The following GKAP1 variants were observed in gnomAD, a reference collection of about 807,000 sequenced individuals.
GKAP1 encodes G kinase anchoring protein 1.
GKAP1 carries 31 observed loss-of-function variants against 56.7 expected under a neutral mutation model. That is an observed-to-expected ratio of 0.55 (90% CI 0.41 to 0.74). GKAP1 has a LOEUF of 0.74. Ranked by LOEUF, GKAP1 falls within the 30% of genes least tolerant of loss-of-function variation. The pLI is 0.00. For missense variants in GKAP1, 364 were observed against 402.3 expected (o/e 0.90, Z 0.82); for synonymous variants, 151 against 138.6 (o/e 1.09, Z -0.63).
In GKAP1 at chr9:83,739,765, A is replaced by T. The variant is rs757069336; in HGVS notation, c.1054-21T>A. Reference sequence around the variant, plus strand: ...CCACCCTGTAAAAAAAAAAAAAAATAGGGAAAATTATTTACAACATACCAT... The same window carrying T: ...CCACCCTGTAAAAAAAAAAAAAAATTGGGAAAATTATTTACAACATACCAT... On this transcript the variant is annotated intron_variant, in intron 12 of 12. Transcript: ENST00000376371. The T allele has an allele frequency of 2.6e-6, 4 of 1,543,622 alleles. No individual in the cohort carries two copies. The African/African-American group carries it at 5.5e-5, about 21-fold the overall frequency.
chr9:83,748,465 T>C (rs1943330986), intron 9 of GKAP1, 93 bp from the exon 10 acceptor site: 3 of 682,492 alleles, frequency 4.4e-6, no homozygotes, highest in Non-Finnish European at 7.4e-6. Flanking sequence ...AATTCTTGGC[T>C]TGCTCAAAGA....
At chr9:83,752,066 G>A (rs1943399281) in intron 9 of GKAP1, among the ~76,000 whole-genome samples, 1 of 152,156 alleles carries the variant, frequency 6.6e-6, no homozygotes, top group African/African-American at 2.4e-5. Context: ...GCTACAATAT[G>A]TGATGAAATT....
intron 8 of GKAP1, among the ~76,000 whole-genome samples, chr9:83,756,070 G>C (rs1301094363): frequency 3.9e-5 from 6 of 151,932 alleles, no homozygotes; most frequent in African/African-American, 1.5e-4. Context: ...CTCCCAAAGT[G>C]CTGGGATTAC....
In GKAP1 at chr9:83,742,097, A is replaced by G. The variant is rs1196173960; in HGVS notation, c.976-68T>C. ...TTGGCAAATACTCAATTCTTAACAT[A>G]TTCACAATGATAGGTTTTTGACAGC... is the stretch of plus-strand genomic sequence containing the variant. On this transcript the variant is annotated intron_variant, in intron 11 of 12. Transcript: ENST00000376371. 1.5e-5 allele frequency: 13 copies of G among 890,224 alleles called. No homozygotes were observed. In the East Asian group the frequency reaches 3.3e-4, roughly 22 times the overall value. 55.1% of individuals were successfully genotyped at this position (890,224 alleles called of 1,614,324 possible).
At chr9:83,815,969 C>T (rs775129072) in intron 2 of GKAP1, among the ~76,000 whole-genome samples, 55 of 146,238 alleles carry the variant, frequency 3.8e-4, no homozygotes, top group Non-Finnish European at 7.1e-4. Flanking sequence ...GGGCAGATCA[C>T]GAGGTCAGGA....
In GKAP1 at chr9:83,748,386, A is replaced by G. The variant is rs1943329360; in HGVS notation, c.841-14T>C. ...CTTATACTTTGCCTAATAGTCAAAG[A>G]AAAAAGATTTAGTTTTTTTAAAAGT... On this transcript the variant is annotated splice_polypyrimidine_tract_variant and intron_variant, in intron 9 of 12. Coordinates refer to ENST00000376371, the MANE Select transcript of GKAP1 (RefSeq NM_025211.4). The G allele has an allele frequency of 6.9e-7, 1 of 1,456,782 alleles. No individual in the cohort carries two copies. The highest frequency in any genetic ancestry group is 2.3e-5 in the East Asian group (1 of 42,700). The allele number at this position is 1,456,782 out of a possible 1,614,324, so 90.2% of individuals were successfully genotyped here. A position where few individuals can be genotyped will look rare whatever the true frequency, so the allele number is the denominator to read the frequency against.
chr9:83,792,008 A>G (rs1405617652), intron 4 of GKAP1, among the ~76,000 whole-genome samples: 1 of 152,244 alleles, frequency 6.6e-6, no homozygotes, highest in Non-Finnish European at 1.5e-5. Flanking sequence ...TTTAAACATT[A>G]CAAGAGAAAG....
At chr9:83,753,014 C>T (rs1237051914) in intron 9 of GKAP1, among the ~76,000 whole-genome samples, 1 of 151,714 alleles carries the variant, frequency 6.6e-6, no homozygotes, top group East Asian at 1.9e-4. Context: ...GAGCTGAGAT[C>T]ACTCCATTGC....
At chr9:83,777,393 A>C (rs1432189131) in intron 7 of GKAP1, among the ~76,000 whole-genome samples, 2 of 152,324 alleles carry the variant, frequency 1.3e-5, no homozygotes, top group Middle Eastern at 3.4e-3. Flanking sequence ...AAAAAACAAA[A>C]CAACTTCAGT....
intron 8 of GKAP1, among the ~76,000 whole-genome samples, chr9:83,759,005 T>C (rs1167458237): frequency 6.6e-6 from 1 of 152,116 alleles, no homozygotes; most frequent in Non-Finnish European, 1.5e-5. Context: ...ACTTCTAATT[T>C]TTTCATTTAT....
At chr9:83,786,451 G>A (rs1168259231) in intron 5 of GKAP1, among the ~76,000 whole-genome samples, 1 of 151,832 alleles carries the variant, frequency 6.6e-6, no homozygotes, top group Non-Finnish European at 1.5e-5. Context: ...TGAGGCAGGA[G>A]AATCACTTGA....
At chr9:83,758,633 C>T (rs2131251830) in intron 8 of GKAP1, among the ~76,000 whole-genome samples, 1 of 151,780 alleles carries the variant, frequency 6.6e-6, no homozygotes, top group South Asian at 2.1e-4. Flanking sequence ...CCAGTAATCC[C>T]AGCTACTTGG....
chr9:83,817,372 C>A (rs2131338841), intron 1 of GKAP1, 145 bp downstream of exon 1: 1 of 151,956 alleles, frequency 6.6e-6, no homozygotes, highest in Non-Finnish European at 1.5e-5. Context: ...TGCCCAGCGG[C>A]TCCGGTCAGT....
At chr9:83,786,971 G>C (rs1284189433) in intron 5 of GKAP1, among the ~76,000 whole-genome samples, 1 of 152,084 alleles carries the variant, frequency 6.6e-6, no homozygotes, top group Non-Finnish European at 1.5e-5. Flanking sequence ...TCTCCTAATT[G>C]AGCAAGACAG....
At chr9:83,772,949 T>C (rs1943787903) in intron 7 of GKAP1, among the ~76,000 whole-genome samples, 2 of 152,326 alleles carry the variant, frequency 1.3e-5, no homozygotes, top group South Asian at 2.1e-4. Flanking sequence ...CAAGGATGCG[T>C]AGGAGCTAGA....
chr9:83,771,430 G>A (rs1386569486), intron 7 of GKAP1, among the ~76,000 whole-genome samples: 1 of 152,068 alleles, frequency 6.6e-6, no homozygotes, highest in South Asian at 2.1e-4. Context: ...GTGGGCAAAC[G>A]ACCCCAAGGT....
At chr9:83,805,325 A>G (rs1944420901) in intron 3 of GKAP1, among the ~76,000 whole-genome samples, 1 of 152,144 alleles carries the variant, frequency 6.6e-6, no homozygotes, top group Non-Finnish European at 1.5e-5. Context: ...GGACACAAAC[A>G]CTGCGGAAGG....
At chr9:83,747,367 T>C (rs1253237189) in intron 10 of GKAP1, among the ~76,000 whole-genome samples, 5 of 152,004 alleles carry the variant, frequency 3.3e-5, no homozygotes, top group Admixed American at 2.0e-4. Context: ...GTTTACAGAG[T>C]AGCAGCAAAA....
intron 7 of GKAP1, among the ~76,000 whole-genome samples, chr9:83,775,238 C>G (rs997010324): frequency 2.6e-5 from 4 of 152,036 alleles, no homozygotes; most frequent in Admixed American, 2.0e-4. Flanking sequence ...ATCTCCTGGC[C>G]TCAAGCATTC....
Sources: allele counts gnomAD v4.1 joint callset (sites outside exome capture counted in the v4.1 genomes callset), GRCh38; gene constraint gnomAD v4.1.1; transcripts MANE v1.5; gene names NCBI Gene and HGNC (gene_info 2026-07-23, HGNC 2026-07-21).